CTNNA2: variants seen among roughly 807,000 people sequenced by gnomAD.
CTNNA2 encodes catenin alpha-2.
Under a neutral mutation model 101.0 loss-of-function variants are expected in CTNNA2, and 42 were observed. The observed-to-expected ratio is 0.42, with a 90% CI of 0.32 to 0.54. The LOEUF is 0.54. Ranked by LOEUF, CTNNA2 falls within the 20% of genes least tolerant of loss-of-function variation. The probability of loss-of-function intolerance (pLI) is 0.14; values close to 1 mark genes in which losing one functional copy is unlikely to be tolerated. For missense variants in CTNNA2, 871 were observed against 1,223.1 expected (o/e 0.71, Z 4.29); for synonymous variants, 450 against 456.4 (o/e 0.99, Z 0.18).
At position 79,687,640 on chromosome 2, in the gene CTNNA2, A is replaced by T. The variant is rs753374126; in HGVS notation, c.102+35982A>T. The T allele has an allele frequency of 7.7e-5, 52 of 675,320 alleles. 1 individual carries two copies. The South Asian group carries it at 8.7e-4, about 11-fold the overall frequency. The allele number at this position is 675,320 out of a possible 1,614,324, so 41.8% of individuals were successfully genotyped here. A position where few individuals can be genotyped will look rare whatever the true frequency, so the allele number is the denominator to read the frequency against. ...TTGCTGACTGTCATCTTGAAAAAGGATACCTGTTGAATTGGGTAACTCTTT... is the reference window on the plus strand; with the variant it reads ...TTGCTGACTGTCATCTTGAAAAAGGTTACCTGTTGAATTGGGTAACTCTTT... On this transcript the variant is annotated intron_variant, in intron 2 of 18. Transcript: ENST00000402739.
chr2:80,203,979 G>C (rs1377533222), intron 7 of CTNNA2, among the ~76,000 whole-genome samples: 1 of 152,322 alleles, frequency 6.6e-6, no homozygotes, highest in African/African-American at 2.4e-5. Context: ...AAGGCTTGAG[G>C]CTTCCACCCT....
chr2:79,976,708 C>A lies in CTNNA2; in HGVS notation c.1056+66911C>A, dbSNP rs138414792. Among the ~76,000 whole-genome samples, 24 of 152,266 alleles carry A rather than the reference C, an allele frequency of 1.6e-4. No homozygotes were observed. In the East Asian group the frequency reaches 3.7e-3, roughly 23 times the overall value. ...CAATAAAGCTTTGAGAAATTTAATA[C>A]GTTCTTCCAAAATGTATATAGTACA... On this transcript the variant is annotated intron_variant, in intron 7 of 18. Coordinates refer to ENST00000402739, the MANE Select transcript of CTNNA2 (RefSeq NM_001282597.3).
At chr2:80,585,182 G>A (rs1320524484) in intron 14 of CTNNA2, among the ~76,000 whole-genome samples, 2 of 152,082 alleles carry the variant, frequency 1.3e-5, no homozygotes, top group Admixed American at 1.3e-4. Context: ...TTTTTCTCTG[G>A]AAATTGGAAG....
intron 3 of CTNNA2, among the ~76,000 whole-genome samples, chr2:79,778,701 G>A (rs72912742): frequency 0.023 from 3,467 of 152,156 alleles, 144 homozygotes; most frequent in African/African-American, 0.077. Flanking sequence ...GTTAATATAT[G>A]GAATTAGATT....
intron 9 of CTNNA2, among the ~76,000 whole-genome samples, chr2:80,521,820 A>C (rs1195220371): frequency 6.6e-6 from 1 of 152,194 alleles, no homozygotes; most frequent in African/African-American, 2.4e-5. Flanking sequence ...GTGATGTCTG[A>C]AGCCATTAAA....
intron 2 of CTNNA2, among the ~76,000 whole-genome samples, chr2:79,667,995 C>T (rs1573620375): frequency 6.6e-6 from 1 of 150,460 alleles, no homozygotes; most frequent in African/African-American, 2.4e-5. Context: ...AATCCCAGCA[C>T]TTTGGGAGGC....
intron 1 of CTNNA2, among the ~76,000 whole-genome samples, chr2:79,569,328 G>A (rs796257142): frequency 3.1e-4 from 47 of 152,180 alleles, no homozygotes; most frequent in African/African-American, 1.1e-3. Flanking sequence ...CGGCTGGGGG[G>A]TCTTGAGGTA....
chr2:79,914,674 G>A (rs1167948869), intron 7 of CTNNA2, among the ~76,000 whole-genome samples: 1 of 152,076 alleles, frequency 6.6e-6, no homozygotes, highest in Non-Finnish European at 1.5e-5. Flanking sequence ...GATCCTGGTG[G>A]CATAAAGTAA....
chr2:80,019,493 A>G (rs1452687713), intron 7 of CTNNA2, among the ~76,000 whole-genome samples: 1 of 152,230 alleles, frequency 6.6e-6, no homozygotes, highest in Non-Finnish European at 1.5e-5. Context: ...CCTAAAATAG[A>G]GGATCACCTG....
At chr2:80,151,322 A>G (rs62140134) in intron 7 of CTNNA2, among the ~76,000 whole-genome samples, 232 of 152,354 alleles carry the variant, frequency 1.5e-3, no homozygotes, top group Non-Finnish European at 2.5e-3. Context: ...TAGTTCTCCC[A>G]AGTGAATAGG....
chr2:79,727,815 A>T (rs890743209), intron 2 of CTNNA2, among the ~76,000 whole-genome samples: 13 of 145,000 alleles, frequency 9.0e-5, no homozygotes, highest in African/African-American at 3.3e-4. Flanking sequence ...CATATGAGTG[A>T]GAATATGCAG....
At chr2:80,306,429 T>G (rs1178362799) in intron 7 of CTNNA2, among the ~76,000 whole-genome samples, 1 of 148,572 alleles carries the variant, frequency 6.7e-6, no homozygotes, top group Non-Finnish European at 1.5e-5. Flanking sequence ...TCTTTCTTTC[T>G]TTCTTTCTTT....
chr2:79,502,391 A>G (rs1027555630), intron 4 of CTNNA2, among the ~76,000 whole-genome samples: 6 of 152,210 alleles, frequency 3.9e-5, no homozygotes, highest in African/African-American at 1.2e-4. Context: ...CATAAAAGTG[A>G]AGAAAAATTC....
chr2:80,251,416 G>C (rs775466129), intron 7 of CTNNA2, among the ~76,000 whole-genome samples: 1 of 152,026 alleles, frequency 6.6e-6, no homozygotes, highest in Non-Finnish European at 1.5e-5. Context: ...CTGTTCAGAG[G>C]CCCCCACCAA....
At chr2:80,085,385 C>T (rs551272344) in intron 7 of CTNNA2, among the ~76,000 whole-genome samples, 56 of 152,042 alleles carry the variant, frequency 3.7e-4, no homozygotes, top group African/African-American at 1.3e-3. Flanking sequence ...ATTGCCATGC[C>T]GAAGTTAAAA....
At chr2:80,142,909 C>T (rs542584580) in intron 7 of CTNNA2, among the ~76,000 whole-genome samples, 2 of 149,256 alleles carry the variant, frequency 1.3e-5, no homozygotes, top group Admixed American at 6.7e-5. Context: ...GATTAACTAC[C>T]GTTGACAATG....
intron 1 of CTNNA2, among the ~76,000 whole-genome samples, chr2:79,569,728 G>A (rs1039044871): frequency 6.6e-6 from 1 of 152,136 alleles, no homozygotes; most frequent in African/African-American, 2.4e-5. Flanking sequence ...TTTGAATTCA[G>A]TGTCAGATTT....
At chr2:79,720,361 G>A (rs1007338961) in intron 2 of CTNNA2, among the ~76,000 whole-genome samples, 1 of 151,992 alleles carries the variant, frequency 6.6e-6, no homozygotes, top group Non-Finnish European at 1.5e-5. Context: ...GCTTAGGATT[G>A]CTTAGGCAAT....
intron 7 of CTNNA2, among the ~76,000 whole-genome samples, chr2:80,128,165 G>C (rs1471201408): frequency 6.6e-6 from 1 of 152,164 alleles, no homozygotes; most frequent in Non-Finnish European, 1.5e-5. Flanking sequence ...GCCACTGGCA[G>C]AAGTTGTGAT....
Sources: allele counts gnomAD v4.1 joint callset (sites outside exome capture counted in the v4.1 genomes callset), GRCh38; gene constraint gnomAD v4.1.1; transcripts MANE v1.5; gene names NCBI Gene and HGNC (gene_info 2026-07-23, HGNC 2026-07-21).